MESD: variants seen among roughly 807,000 people sequenced by gnomAD.
The protein encoded by MESD is LRP chaperone MESD.
A neutral mutation model predicts 12.9 loss-of-function variants in MESD; 7 were observed. That is an observed-to-expected ratio of 0.54 (90% confidence interval 0.31 to 1.02). MESD has a LOEUF of 1.02. Ranked by LOEUF, MESD falls within the 50% of genes least tolerant of loss-of-function variation. The probability of loss-of-function intolerance (pLI) is 0.05; values close to 1 mark genes in which losing one functional copy is unlikely to be tolerated. For synonymous variants in MESD, 126 were observed against 115.6 expected, an observed-to-expected ratio of 1.09 and a Z score of -0.58; for missense variants, 342 against 296.7, an observed-to-expected ratio of 1.15 and a Z score of -1.12.
In MESD at chr15:80,970,351, G is replaced by A. The variant is rs562725726; in HGVS notation, c.*288+8580C>T. On this transcript the variant is annotated intron_variant, in intron 3 of 4. Coordinates refer to the MESD transcript ENST00000561312. ...TCCCAAGCTGTGCTTTGGTTATATGGTGGAGAGAATGAACAATTCTACTTC... is the reference window on the plus strand; with the variant it reads ...TCCCAAGCTGTGCTTTGGTTATATGATGGAGAGAATGAACAATTCTACTTC... 7 of 152,306 alleles carry A rather than the reference G, an allele frequency of 4.6e-5. No homozygotes were observed. In the East Asian group the frequency reaches 9.6e-4, roughly 21 times the overall value. 9.4% of individuals were successfully genotyped at this position (152,306 alleles called of 1,614,324 possible).
At chr15:80,982,386 C>T (rs1180301903) in intron 1 of MESD, among the ~76,000 whole-genome samples, 1 of 152,184 alleles carries the variant, frequency 6.6e-6, no homozygotes, top group African/African-American at 2.4e-5. Flanking sequence ...ACCCAGGTTA[C>T]CAATCACAGA....
rs34483226 is a variant in MESD, at chr15:80,960,390, G to GA, written c.*289-8095dup. The stretch of plus-strand genomic sequence containing the variant: ...TAAAAAAAAAAAAAAAAAGCACGGA[G>GA]AAAAAAAAAAACTCTTTCCCAGTTT... On this transcript the variant is annotated intron_variant, in intron 3 of 4. Coordinates refer to the MESD transcript ENST00000561312. 4.2e-3 allele frequency among the ~76,000 whole-genome samples: 566 copies of GA among 136,260 alleles called. 7 individuals carry two copies. Among genetic ancestry groups the GA allele is most frequent in the African/African-American group, 0.013 (472 of 37,172 alleles). 89.4% of individuals were successfully genotyped at this position (136,260 alleles called of 152,430 possible). A position where few individuals can be genotyped will look rare whatever the true frequency, so the allele number is the denominator to read the frequency against.
Position 80,977,543 on chromosome 15 carries a change from C to A in MESD, c.*1676G>T, listed in dbSNP as rs1902450289. The A allele has an allele frequency of 6.6e-6, 1 of 152,218 alleles. No individual in the cohort carries two copies. The highest frequency in any genetic ancestry group is 1.5e-5 in the Non-Finnish European group (1 of 68,080). The allele number at this position is 152,218 out of a possible 1,614,324, so 9.4% of individuals were successfully genotyped here. On this transcript the variant is annotated 3_prime_UTR_variant, in exon 3 of 3. Transcript: ENST00000261758. ...ACAGGGCGGAGTGAAAGCTTTGCTA[C>A]CTTTTGCTTAATTAAAGCAATTATC...
chr15:80,982,071 T>C lies in MESD; in HGVS notation c.325A>G (p.Lys109Glu). 4 of 1,614,182 alleles carry C rather than the reference T, an allele frequency of 2.5e-6. No homozygotes were observed. Among genetic ancestry groups the C allele is most frequent in the African/African-American group, 1.3e-5 (1 of 75,038 alleles). Reference sequence around the variant, plus strand: ...AACATCATGAGAGTCTTCCCTTTTTTCGTCATTTTCAATATGCTTTCAGGC... The same window carrying C: ...AACATCATGAGAGTCTTCCCTTTTTCCGTCATTTTCAATATGCTTTCAGGC... ...SKPESILKMT[K>E]KGKTLMMFVT... Residue 109 changes from lysine (K) to glutamate (E), a missense_variant, in exon 2 of 3, where the codon AAA (lysine) becomes GAA (glutamate). Transcript: ENST00000261758.
chr15:80,955,584 G>A lies in MESD; in HGVS notation c.*289-3288C>T, dbSNP rs1054552680. Among the ~76,000 whole-genome samples, 3 of 151,438 alleles carry A rather than the reference G, an allele frequency of 2.0e-5. 1 individual carries two copies. The South Asian group carries it at 6.3e-4, about 32-fold the overall frequency. On this transcript the variant is annotated intron_variant, in intron 3 of 4. Coordinates refer to the MESD transcript ENST00000561312. ...AAGAAGGGACCCAGGGTAGTTGTTT[G>A]CACAGTAAAGTTTGAGAAGTGTGTG...
chr15:80,960,463 AAAG>A (rs928427693), intron 3 of MESD, among the ~76,000 whole-genome samples: 2 of 152,154 alleles, frequency 1.3e-5, no homozygotes, highest in Non-Finnish European at 2.9e-5. Context: ...CACAAAGTGG[AAAG>A]AAGGAGTACA....
intron 3 of MESD, among the ~76,000 whole-genome samples, chr15:80,954,219 C>A (rs539779659): frequency 1.3e-5 from 2 of 152,186 alleles, no homozygotes; most frequent in African/African-American, 2.4e-5. Flanking sequence ...CTTGATATTG[C>A]GCCCCCTGTC....
intron 2 of MESD, among the ~76,000 whole-genome samples, chr15:80,980,211 T>C (rs189583396): frequency 2.8e-4 from 42 of 152,360 alleles, no homozygotes; most frequent in South Asian, 8.3e-4. Context: ...TTATTTGTTC[T>C]GTCTAGGTGT....
chr15:80,981,684 T>C (rs982593795), intron 2 of MESD, among the ~76,000 whole-genome samples: 1 of 151,496 alleles, frequency 6.6e-6, no homozygotes, highest in African/African-American at 2.4e-5. Context: ...GGTGAAACCC[T>C]GTCTCTACTA....
chr15:80,979,539 G>A, intron 2 of MESD, 62 bp from the exon 3 acceptor site: 1 of 1,539,498 alleles, frequency 6.5e-7, no homozygotes. Context: ...AGGGGTCAGA[G>A]CAATTCTCTG....
chr15:80,973,145 T>A (rs1290889281), downstream of MESD, among the ~76,000 whole-genome samples: 1 of 152,228 alleles, frequency 6.6e-6, no homozygotes, highest in Non-Finnish European at 1.5e-5. Context: ...TCAGATGTAA[T>A]GGACTCAAAG....
chr15:80,980,974 T>C (rs1236524680), intron 2 of MESD, among the ~76,000 whole-genome samples: 1 of 151,664 alleles, frequency 6.6e-6, no homozygotes, highest in African/African-American at 2.4e-5. Flanking sequence ...CAGGCGTGCA[T>C]CACCATGCCC....
chr15:80,946,762 G>A (rs1308391525), downstream of MESD: 2 of 600,338 alleles, frequency 3.3e-6, no homozygotes, highest in South Asian at 1.8e-5. Flanking sequence ...AGATGTGTGG[G>A]AGGGAGCTCA....
intron 3 of MESD, among the ~76,000 whole-genome samples, chr15:80,955,492 A>G: frequency 6.6e-6 from 1 of 150,468 alleles, no homozygotes; most frequent in South Asian, 2.1e-4. Context: ...CGTCTCAAAA[A>G]AAAAAAAAAA....
At chr15:80,988,999 T>C (rs1379196924) in intron 1 of MESD, among the ~76,000 whole-genome samples, 1 of 152,198 alleles carries the variant, frequency 6.6e-6, no homozygotes, top group African/African-American at 2.4e-5. Context: ...TACAGAGCCA[T>C]TAGCCATTGA....
intron 4 of MESD, chr15:80,949,088 C>A: frequency 1.1e-6 from 1 of 870,836 alleles, no homozygotes; most frequent in Non-Finnish European, 1.9e-6. Flanking sequence ...GACCCTGGTG[C>A]TGCCACCTGC....
At chr15:80,956,509 T>G (rs1901988098) in intron 3 of MESD, among the ~76,000 whole-genome samples, 1 of 152,206 alleles carries the variant, frequency 6.6e-6, no homozygotes, top group Non-Finnish European at 1.5e-5. Context: ...GAGGGTGCTC[T>G]TCCAGAAAAC....
intron 3 of MESD, among the ~76,000 whole-genome samples, chr15:80,956,899 C>T (rs1901999060): frequency 6.6e-6 from 1 of 152,054 alleles, no homozygotes; most frequent in Non-Finnish European, 1.5e-5. Context: ...CTCACTGTGG[C>T]CTCGACCTCC....
At chr15:80,954,923 G>A (rs892948541) in intron 3 of MESD, among the ~76,000 whole-genome samples, 2 of 152,102 alleles carry the variant, frequency 1.3e-5, no homozygotes, top group Non-Finnish European at 2.9e-5. Context: ...CTTCCAATGT[G>A]GCCCAGGAAA....
Sources: allele counts gnomAD v4.1 joint callset (sites outside exome capture counted in the v4.1 genomes callset), GRCh38; gene constraint gnomAD v4.1.1; transcripts MANE v1.5; gene names NCBI Gene and HGNC (gene_info 2026-07-23, HGNC 2026-07-21).